Variants in OPCML observed in about 807,000 individuals in gnomAD.
The protein encoded by OPCML is opioid-binding protein/cell adhesion molecule.
In OPCML, 13 loss-of-function variants were observed where a neutral mutation model predicts 37.8. That is an observed-to-expected ratio of 0.34 (90% CI 0.22 to 0.55). The LOEUF is 0.55. Ranked by LOEUF, OPCML falls within the 20% of genes least tolerant of loss-of-function variation. The pLI is 0.91. For missense variants in OPCML, 341 were observed against 435.6 expected (o/e 0.78, Z 1.93); for synonymous variants, 176 against 168.8 (o/e 1.04, Z -0.33).
chr11:133,274,851 A>G (rs1941948544), intron 1 of OPCML, among the ~76,000 whole-genome samples: 1 of 152,218 alleles, frequency 6.6e-6, no homozygotes, highest in African/African-American at 2.4e-5. Context: ...AGACAAAGAG[A>G]CAGAGAGATA....
intron 1 of OPCML, among the ~76,000 whole-genome samples, chr11:133,343,363 C>T (rs1943920685): frequency 6.6e-6 from 1 of 152,126 alleles, no homozygotes; most frequent in South Asian, 2.1e-4. Flanking sequence ...ATGTCACTCC[C>T]AAATCTCCCT....
rs562446466 is a variant in OPCML, at chr11:133,462,327, C to T, written c.61+69937G>A. Among the ~76,000 whole-genome samples, 5 of 151,988 alleles carry T rather than the reference C, an allele frequency of 3.3e-5. No homozygotes were observed. The East Asian group carries it at 9.7e-4, about 29-fold the overall frequency. On this transcript the variant is annotated intron_variant, in intron 1 of 7. Transcript: ENST00000524381. ...AAACCAAAAACACAGACAACAAAAACAGTAGATAAATTGGACTTCATCAGA... is the reference window on the plus strand; with the variant it reads ...AAACCAAAAACACAGACAACAAAAATAGTAGATAAATTGGACTTCATCAGA...
At chr11:133,375,369 C>T (rs1347469489) in intron 1 of OPCML, among the ~76,000 whole-genome samples, 2 of 152,226 alleles carry the variant, frequency 1.3e-5, no homozygotes, top group African/African-American at 4.8e-5. Flanking sequence ...TTGCAGACCA[C>T]GTGCCACAAA....
intron 1 of OPCML, among the ~76,000 whole-genome samples, chr11:133,522,897 C>T (rs150412969): frequency 7.2e-5 from 11 of 152,238 alleles, no homozygotes; most frequent in African/African-American, 2.6e-4. Flanking sequence ...TTGTAGGGAG[C>T]CAGCCATAGA....
intron 1 of OPCML, among the ~76,000 whole-genome samples, chr11:132,955,659 G>A (rs568138498): frequency 4.6e-5 from 7 of 152,240 alleles, no homozygotes; most frequent in South Asian, 4.1e-4. Context: ...TGAGGCAGGC[G>A]GATCATGAGG....
chr11:133,186,216 C>T (rs2136293740), intron 1 of OPCML, among the ~76,000 whole-genome samples: 1 of 152,224 alleles, frequency 6.6e-6, no homozygotes, highest in South Asian at 2.1e-4. Context: ...GCAAAAGAAT[C>T]TGCTGTGGGC....
At chr11:133,328,161 T>C (rs1344335962) in intron 1 of OPCML, among the ~76,000 whole-genome samples, 2 of 150,972 alleles carry the variant, frequency 1.3e-5, no homozygotes, top group Non-Finnish European at 3.0e-5. Flanking sequence ...GTTTTAATTT[T>C]TTTTTTTTTT....
At chr11:133,133,196 T>C (rs1949632113) in intron 1 of OPCML, among the ~76,000 whole-genome samples, 1 of 152,190 alleles carries the variant, frequency 6.6e-6, no homozygotes, top group Non-Finnish European at 1.5e-5. Context: ...CAACAGTTCC[T>C]GAGATCTGAC....
At chr11:132,599,523 T>A (rs933608744) in intron 3 of OPCML, among the ~76,000 whole-genome samples, 1 of 152,016 alleles carries the variant, frequency 6.6e-6, no homozygotes, top group Non-Finnish European at 1.5e-5. Context: ...AAACCGAAGC[T>A]CTCTGACACA....
At chr11:132,524,455 A>T (rs993560916) in intron 4 of OPCML, among the ~76,000 whole-genome samples, 1 of 152,336 alleles carries the variant, frequency 6.6e-6, no homozygotes, top group South Asian at 2.1e-4. Context: ...CCTCTAGCAG[A>T]TCTATATAAA....
rs1338482648 is a variant in OPCML at position 133,184,453 on chromosome 11, TGAAA to T, written c.62-241447_62-241444del. On this transcript the variant is annotated intron_variant, in intron 1 of 7. Coordinates refer to ENST00000524381, the MANE Select transcript of OPCML (RefSeq NM_001012393.5). ...TGGCATGGGATGGGGAAGGGGTGGC[TGAAA>T]GAGAGAAAGGACCTTCCGTGGGGAG... 2.0e-5 allele frequency among the ~76,000 whole-genome samples: 3 copies of T among 152,110 alleles called. 1 individual carries two copies. Among genetic ancestry groups the T allele is most frequent in the Middle Eastern group, 3.4e-3 (1 of 294 alleles).
intron 2 of OPCML, among the ~76,000 whole-genome samples, chr11:132,811,834 G>T (rs372659277): frequency 6.6e-6 from 1 of 152,162 alleles, no homozygotes; most frequent in Non-Finnish European, 1.5e-5. Flanking sequence ...CCATCCATGG[G>T]TGTGAAGAGC....
chr11:132,491,924 AT>A (rs780995319), intron 4 of OPCML, among the ~76,000 whole-genome samples: 29,306 of 133,146 alleles, frequency 0.22, 3,210 homozygotes, highest in East Asian at 0.38. Flanking sequence ...GACATACCTA[AT>A]TTTTTTTTTT....
chr11:133,416,847 G>A (rs1313393423), intron 1 of OPCML, among the ~76,000 whole-genome samples: 1 of 152,078 alleles, frequency 6.6e-6, no homozygotes, highest in African/African-American at 2.4e-5. Context: ...TGACAGGATG[G>A]GGCCCTAAGA....
rs540529051 is a variant in OPCML at position 133,072,242 on chromosome 11, T to A, written c.62-129232A>T. Among the ~76,000 whole-genome samples, 11 of 152,286 alleles carry A rather than the reference T, an allele frequency of 7.2e-5. No homozygotes were observed. In the East Asian group the frequency reaches 2.1e-3, roughly 29 times the overall value. On this transcript the variant is annotated intron_variant, in intron 1 of 7. Coordinates refer to ENST00000524381, the MANE Select transcript of OPCML (RefSeq NM_001012393.5). ...ATATACTAAAAACTACTAAATTGCATGTTTCAAAATGATGAATTTTATGGC... is the reference window on the plus strand; with the variant it reads ...ATATACTAAAAACTACTAAATTGCAAGTTTCAAAATGATGAATTTTATGGC...
At chr11:132,972,856 A>G (rs1451416659) in intron 1 of OPCML, among the ~76,000 whole-genome samples, 1 of 152,138 alleles carries the variant, frequency 6.6e-6, no homozygotes, top group East Asian at 1.9e-4. Flanking sequence ...GGCTGTACTC[A>G]TTCCACAGAC....
At chr11:133,003,874 C>A in intron 1 of OPCML, 1 of 985,378 alleles carries the variant, frequency 1.0e-6, no homozygotes, top group Non-Finnish European at 1.2e-6. Context: ...GTGCCCTCGA[C>A]CCCTTTTGAC....
chr11:132,620,579 A>G (rs1939338018), intron 3 of OPCML, among the ~76,000 whole-genome samples: 1 of 152,196 alleles, frequency 6.6e-6, no homozygotes, highest in South Asian at 2.1e-4. Context: ...AACACTGGCT[A>G]CATAGCAACA....
At chr11:133,515,582 A>G (rs1948249585) in intron 1 of OPCML, among the ~76,000 whole-genome samples, 1 of 152,220 alleles carries the variant, frequency 6.6e-6, no homozygotes, top group African/African-American at 2.4e-5. Flanking sequence ...CAGGAACAGT[A>G]CTGAAGGGTG....
Sources: gnomAD v4.1 joint callset for allele counts (sites outside exome capture counted in the v4.1 genomes callset) on GRCh38, gnomAD v4.1.1 for gene constraint, MANE v1.5 for transcripts, NCBI Gene and HGNC (gene_info 2026-07-23, HGNC 2026-07-21) for gene names.